The following KCNMA1 variants were observed in gnomAD, a reference collection of about 807,000 sequenced individuals.
KCNMA1 encodes potassium calcium-activated channel subfamily M alpha 1, also known as Calcium-activated potassium channel subunit alpha-1.
Under a neutral mutation model 140.0 loss-of-function variants are expected in KCNMA1, and 29 were observed. The observed-to-expected ratio is 0.21, with a 90% CI of 0.15 to 0.28. The LOEUF is 0.28. KCNMA1 is among the 10% of genes least tolerant of loss of function. KCNMA1 has a pLI of 1.00. For missense variants in KCNMA1, 880 were observed against 1,602.2 expected (o/e 0.55, Z 7.70); for synonymous variants, 612 against 611.9 (o/e 1.00, Z 0.00).
chr10:77,195,691 G>A (rs376681270), intron 3 of KCNMA1, among the ~76,000 whole-genome samples: 2 of 152,058 alleles, frequency 1.3e-5, no homozygotes, highest in African/African-American at 4.8e-5. Context: ...GCTCAAGCCT[G>A]TAATCCCAGC....
chr10:77,587,879 G>A (rs530504067), intron 1 of KCNMA1: 2 of 985,208 alleles, frequency 2.0e-6, no homozygotes, highest in Admixed American at 1.2e-4. Flanking sequence ...ACTCTGAAAA[G>A]AAAATAAGGC....
intron 5 of KCNMA1, among the ~76,000 whole-genome samples, chr10:77,154,570 C>T (rs1418569290): frequency 2.0e-5 from 3 of 152,012 alleles, no homozygotes; most frequent in Non-Finnish European, 4.4e-5. Flanking sequence ...TATCTATATC[C>T]ATATAGACAG....
At chr10:77,225,641 G>A (rs1486158159) in intron 3 of KCNMA1, among the ~76,000 whole-genome samples, 1 of 152,172 alleles carries the variant, frequency 6.6e-6, no homozygotes, top group East Asian at 1.9e-4. Context: ...TGCGGCTGTC[G>A]TAGGTGCCCA....
At chr10:76,934,004 ACT>A (rs1159311135) in intron 23 of KCNMA1, among the ~76,000 whole-genome samples, 2 of 151,304 alleles carry the variant, frequency 1.3e-5, no homozygotes, top group African/African-American at 4.9e-5. Flanking sequence ...ATGGGATCTC[ACT>A]CTGTTACCCA....
intron 3 of KCNMA1, among the ~76,000 whole-genome samples, chr10:77,220,470 G>T (rs1044090448): frequency 6.6e-6 from 1 of 152,186 alleles, no homozygotes; most frequent in African/African-American, 2.4e-5. Context: ...TCAGAGCTAG[G>T]CTGGGAAAAA....
chr10:77,512,450 C>T (rs139486613), intron 1 of KCNMA1, among the ~76,000 whole-genome samples: 137 of 152,262 alleles, frequency 9.0e-4, no homozygotes, highest in African/African-American at 3.1e-3. Context: ...GCTCATCTGT[C>T]ACTGTACCTA....
intron 23 of KCNMA1, among the ~76,000 whole-genome samples, chr10:76,931,505 T>A: frequency 6.7e-6 from 1 of 149,172 alleles, no homozygotes; most frequent in African/African-American, 2.5e-5. Context: ...AGACCCAAAA[T>A]TACTGTTTTA....
chr10:77,448,959 T>A (rs985139692), intron 1 of KCNMA1, among the ~76,000 whole-genome samples: 2 of 151,958 alleles, frequency 1.3e-5, no homozygotes, highest in African/African-American at 4.8e-5. Context: ...TAGTGGTGCA[T>A]GCCTGTAATC....
chr10:77,611,917 T>C (rs2087066683), intron 1 of KCNMA1, among the ~76,000 whole-genome samples: 1 of 152,200 alleles, frequency 6.6e-6, no homozygotes, highest in African/African-American at 2.4e-5. Flanking sequence ...GAGGAGTTCA[T>C]AATCTAATCA....
chr10:77,585,583 C>G (rs936661991), intron 1 of KCNMA1, among the ~76,000 whole-genome samples: 7 of 152,174 alleles, frequency 4.6e-5, no homozygotes, highest in Admixed American at 4.6e-4. Context: ...GCACTTTACC[C>G]AGCTTTTCTG....
chr10:77,222,030 T>C (rs1245599700), intron 3 of KCNMA1, among the ~76,000 whole-genome samples: 1 of 152,182 alleles, frequency 6.6e-6, no homozygotes. Context: ...TACAGGATTA[T>C]TGGGTGACTA....
chr10:77,421,047 G>A (rs1368695443), intron 1 of KCNMA1, among the ~76,000 whole-genome samples: 8 of 152,338 alleles, frequency 5.3e-5, no homozygotes, highest in Admixed American at 2.0e-4. Flanking sequence ...CAGCATGGCC[G>A]TCGAAGATGC....
At chr10:77,515,287 T>C (rs532554981) in intron 1 of KCNMA1, among the ~76,000 whole-genome samples, 3 of 152,086 alleles carry the variant, frequency 2.0e-5, no homozygotes, top group African/African-American at 7.2e-5. Context: ...CACACAAAGG[T>C]ACATTTTCAA....
At position 76,919,584 on chromosome 10, in the gene KCNMA1, G is replaced by T. The variant is rs761114425; in HGVS notation, c.2903-4535C>A. On this transcript the variant is annotated intron_variant, in intron 23 of 27. Transcript: ENST00000286628. ...TACAAAATGCCCAGCACATAGAAAA[G>T]AAATAGAATGAAATTGTTAACAGCA... Among the ~76,000 whole-genome samples the T allele has an allele frequency of 4.5e-4, 69 of 152,060 alleles. 1 individual carries two copies. Among genetic ancestry groups the T allele is most frequent in the Non-Finnish European group, 1.8e-4 (12 of 68,002 alleles).
chr10:77,156,442 C>CT (rs2098485349), intron 5 of KCNMA1, among the ~76,000 whole-genome samples: 1 of 152,172 alleles, frequency 6.6e-6, no homozygotes, highest in South Asian at 2.1e-4. Flanking sequence ...ACAGAGCTGA[C>CT]TCCCTCTTGC....
intron 3 of KCNMA1, among the ~76,000 whole-genome samples, chr10:77,212,610 C>A (rs1320553790): frequency 6.6e-6 from 1 of 152,106 alleles, no homozygotes; most frequent in Non-Finnish European, 1.5e-5. Context: ...TGTATGTATA[C>A]TACTTTTAAT....
intron 1 of KCNMA1, among the ~76,000 whole-genome samples, chr10:77,426,352 T>G (rs1249084425): frequency 6.6e-6 from 1 of 152,208 alleles, no homozygotes; most frequent in Admixed American, 6.5e-5. Flanking sequence ...CTACTGGGTA[T>G]GGTTCTGAGC....
chr10:77,128,177 T>C (rs1179454954), intron 5 of KCNMA1, among the ~76,000 whole-genome samples: 1 of 152,116 alleles, frequency 6.6e-6, no homozygotes, highest in Non-Finnish European at 1.5e-5. Flanking sequence ...ATCTTAATTG[T>C]AGTAATACAA....
intron 3 of KCNMA1, among the ~76,000 whole-genome samples, chr10:77,213,379 T>C (rs2046724494): frequency 6.6e-6 from 1 of 152,064 alleles, no homozygotes; most frequent in African/African-American, 2.4e-5. Flanking sequence ...CTAAGGAAGG[T>C]CCTCATGAGG....
Sources: gnomAD v4.1 joint callset for allele counts (sites outside exome capture counted in the v4.1 genomes callset) on GRCh38, gnomAD v4.1.1 for gene constraint, MANE v1.5 for transcripts, NCBI Gene and HGNC (gene_info 2026-07-23, HGNC 2026-07-21) for gene names.